The following LYPLAL1 variants were observed in gnomAD, a reference collection of about 807,000 sequenced individuals.
LYPLAL1 encodes the protein lysophospholipase-like protein 1.
In LYPLAL1, 23 loss-of-function variants were observed where a neutral mutation model predicts 19.7. That is an observed-to-expected ratio of 1.17 (90% CI 0.84 to 1.65). LYPLAL1 has a LOEUF of 1.65. Ranked by LOEUF, LYPLAL1 falls within the 40% of genes most tolerant of loss-of-function variation. LYPLAL1 has a pLI of 0.00. For missense variants in LYPLAL1, 355 were observed against 279.4 expected, an observed-to-expected ratio of 1.27 and a Z score of -1.93; for synonymous variants, 119 against 96.3, an observed-to-expected ratio of 1.24 and a Z score of -1.38.
the LYPLAL1 span, among the ~76,000 whole-genome samples, chr1:219,433,894 G>A: frequency 6.6e-6 from 1 of 152,156 alleles, no homozygotes; most frequent in East Asian, 1.9e-4. Flanking sequence ...GAATGCACTT[G>A]GTAAACATTG....
At chr1:219,413,319 A>T in the LYPLAL1 span, among the ~76,000 whole-genome samples, 1 of 152,134 alleles carries the variant, frequency 6.6e-6, no homozygotes, top group African/African-American at 2.4e-5. Flanking sequence ...CTTTTTGTTT[A>T]TTTTTAATTA....
the LYPLAL1 span, among the ~76,000 whole-genome samples, chr1:219,292,865 G>T: frequency 6.6e-6 from 1 of 152,162 alleles, no homozygotes; most frequent in Admixed American, 6.5e-5. Context: ...GGCAGATGGG[G>T]CTTCAGAGGA....
chr1:219,240,244 G>A, the LYPLAL1 span, among the ~76,000 whole-genome samples: 5 of 152,028 alleles, frequency 3.3e-5, no homozygotes, highest in Admixed American at 3.3e-4. Context: ...TCATGGAAAT[G>A]GCCTAGAGAA....
At chr1:219,197,605 A>G (rs922233391) in intron 3 of LYPLAL1, among the ~76,000 whole-genome samples, 13 of 152,224 alleles carry the variant, frequency 8.5e-5, no homozygotes, top group Non-Finnish European at 1.5e-5. Flanking sequence ...AAGCAATAGC[A>G]ACAAAAGCAG....
At chr1:219,265,669 C>T in the LYPLAL1 span, among the ~76,000 whole-genome samples, 1 of 152,192 alleles carries the variant, frequency 6.6e-6, no homozygotes, top group Middle Eastern at 3.4e-3. Context: ...GAAATGCATC[C>T]TTAAGATATT....
At chr1:219,209,174 G>A (rs904387827) in intron 3 of LYPLAL1, among the ~76,000 whole-genome samples, 3 of 152,028 alleles carry the variant, frequency 2.0e-5, no homozygotes, top group East Asian at 1.9e-4. Flanking sequence ...CTACTGCTAC[G>A]ATAAGAACTT....
At chr1:219,397,872 A>T in the LYPLAL1 span, among the ~76,000 whole-genome samples, 1 of 152,058 alleles carries the variant, frequency 6.6e-6, no homozygotes, top group Non-Finnish European at 1.5e-5. Context: ...AATGTTGCAT[A>T]TTGCTCCCCA....
At chr1:219,400,648 C>T in the LYPLAL1 span, among the ~76,000 whole-genome samples, 1 of 152,212 alleles carries the variant, frequency 6.6e-6, no homozygotes, top group East Asian at 1.9e-4. Flanking sequence ...GTGGTCACCA[C>T]CACACCCAGC....
the LYPLAL1 span, among the ~76,000 whole-genome samples, chr1:219,355,088 G>A: frequency 1.3e-5 from 2 of 152,290 alleles, no homozygotes; most frequent in East Asian, 3.9e-4. Context: ...GAGCCATAGA[G>A]CAGAGCTATC....
At chr1:219,305,524 A>G in the LYPLAL1 span, among the ~76,000 whole-genome samples, 12 of 152,338 alleles carry the variant, frequency 7.9e-5, no homozygotes, top group African/African-American at 2.2e-4. Context: ...CAAGGACTCC[A>G]TAAAATTATT....
chr1:219,436,555 G>A, the LYPLAL1 span, among the ~76,000 whole-genome samples: 1 of 152,012 alleles, frequency 6.6e-6, no homozygotes, highest in Non-Finnish European at 1.5e-5. Flanking sequence ...AGGAGTGTGT[G>A]CTCTAATTTG....
the LYPLAL1 span, among the ~76,000 whole-genome samples, chr1:219,380,369 C>T: frequency 6.6e-6 from 1 of 152,212 alleles, no homozygotes; most frequent in South Asian, 2.1e-4. Context: ...GCACAGTTGG[C>T]GTAGCTTTAC....
chr1:219,362,495 G>T, the LYPLAL1 span, among the ~76,000 whole-genome samples: 1 of 152,152 alleles, frequency 6.6e-6, no homozygotes, highest in South Asian at 2.1e-4. Context: ...GGTGCAGACA[G>T]TATTTCTTAT....
chr1:219,312,468 C>T, the LYPLAL1 span, among the ~76,000 whole-genome samples: 2 of 152,040 alleles, frequency 1.3e-5, no homozygotes, highest in Non-Finnish European at 2.9e-5. Flanking sequence ...AGGCTGTGTC[C>T]AATGAGCAGC....
the LYPLAL1 span, among the ~76,000 whole-genome samples, chr1:219,249,234 A>T: frequency 1.3e-5 from 2 of 151,984 alleles, no homozygotes; most frequent in African/African-American, 2.4e-5. Context: ...TTTCCCTTTA[A>T]AAAAATAAAC....
the LYPLAL1 span, among the ~76,000 whole-genome samples, chr1:219,356,921 A>G: frequency 6.6e-6 from 1 of 152,226 alleles, no homozygotes; most frequent in African/African-American, 2.4e-5. Context: ...ATTAAGCAGC[A>G]ATTCTGAATG....
chr1:219,246,970 G>A, the LYPLAL1 span, among the ~76,000 whole-genome samples: 1 of 152,144 alleles, frequency 6.6e-6, no homozygotes, highest in Non-Finnish European at 1.5e-5. Flanking sequence ...TAAACTGCTG[G>A]CCCATTATGA....
chr1:219,391,720 CTATT>C, the LYPLAL1 span, among the ~76,000 whole-genome samples: 31 of 152,152 alleles, frequency 2.0e-4, no homozygotes, highest in Non-Finnish European at 1.3e-4. Context: ...TAAAGCCACT[CTATT>C]TCTTTCTGTT....
At chr1:219,310,076 A>G in the LYPLAL1 span, among the ~76,000 whole-genome samples, 4 of 152,216 alleles carry the variant, frequency 2.6e-5, no homozygotes, top group Admixed American at 6.5e-5. Flanking sequence ...GGGTTGGAAG[A>G]TCTGAGACTG....
Sources: gnomAD v4.1 joint callset for allele counts (sites outside exome capture counted in the v4.1 genomes callset) on GRCh38, gnomAD v4.1.1 for gene constraint, MANE v1.5 for transcripts, NCBI Gene and HGNC (gene_info 2026-07-23, HGNC 2026-07-21) for gene names.